Variants in NUAK2 observed in about 807,000 individuals in gnomAD.
The protein encoded by NUAK2 is NUAK family kinase 2, also known as NUAK family SNF1-like kinase 2.
Under a neutral mutation model 29.8 loss-of-function variants are expected in NUAK2, and 20 were observed. The observed-to-expected ratio is 0.67, with a 90% CI of 0.47 to 0.98. The LOEUF (loss-of-function observed/expected upper bound fraction) is 0.98. Among genes scored for constraint, NUAK2 ranks in the 50% least tolerant of loss-of-function variants. The pLI is 0.00. For synonymous variants in NUAK2, 331 were observed against 342.6 expected (o/e 0.97, Z 0.37); for missense variants, 719 against 834.5 (o/e 0.86, Z 1.71).
Position 205,316,763 on chromosome 1 carries a change from T to C in NUAK2, c.231+4635A>G, listed in dbSNP as rs577067702. On this transcript the variant is annotated intron_variant, in intron 1 of 6. Coordinates refer to ENST00000367157, the MANE Select transcript of NUAK2 (RefSeq NM_030952.3). ...AGTATTATTATAAGCAGCCCCATAC[T>C]ATGGCCACGGTAGCCTGCTTGAGCA... Among the ~76,000 whole-genome samples the C allele has an allele frequency of 3.7e-4, 57 of 152,344 alleles. 1 individual carries two copies. The highest frequency in any genetic ancestry group is 5.9e-4 in the Admixed American group (9 of 15,302).
chr1:205,319,005 T>C lies in NUAK2; in HGVS notation c.231+2393A>G, dbSNP rs1662367140. Among the ~76,000 whole-genome samples the C allele has an allele frequency of 2.0e-5, 3 of 151,590 alleles. No homozygotes were observed. In the South Asian group the frequency reaches 6.2e-4, roughly 31 times the overall value. On this transcript the variant is annotated intron_variant, in intron 1 of 6. Transcript: ENST00000367157. ...TCCCACCAACAATCTCAATTCATTC[T>C]AGGGGAGGTCTTGGGCAAGCTCCCA...
intron 1 of NUAK2, among the ~76,000 whole-genome samples, chr1:205,314,874 G>A (rs1257922469): frequency 6.6e-6 from 1 of 152,116 alleles, no homozygotes; most frequent in African/African-American, 2.4e-5. Flanking sequence ...CTCTAAAGAT[G>A]ACAAGGCCTA....
intron 2 of NUAK2, among the ~76,000 whole-genome samples, chr1:205,309,483 T>C (rs1662226642): frequency 6.6e-6 from 1 of 152,106 alleles, no homozygotes; most frequent in Non-Finnish European, 1.5e-5. Context: ...CGCGCCACCA[T>C]GCCAGGCTAA....
rs765472039 is a variant in NUAK2, at chr1:205,303,747, A to C, written c.1590T>G (p.Pro530=). The C allele has an allele frequency of 3.3e-5, 51 of 1,541,580 alleles. 1 individual carries two copies. In the East Asian group the frequency reaches 1.1e-3, roughly 33 times the overall value. Residue 530 remains proline (P), a synonymous_variant, in exon 7 of 7, where the codon CCT becomes CCG. Coordinates refer to ENST00000367157, the MANE Select transcript of NUAK2 (RefSeq NM_030952.3). ...TFGSLDELAP[P]RPLARASRPS... ...GTCGGCTGGCCCGGGCCAGGGGGCGAGGTGGGGCGAGTTCATCCAGGGAGC... is the reference window on the plus strand; with the variant it reads ...GTCGGCTGGCCCGGGCCAGGGGGCGCGGTGGGGCGAGTTCATCCAGGGAGC...
chr1:205,317,309 C>T (rs1662342126), intron 1 of NUAK2, among the ~76,000 whole-genome samples: 1 of 152,210 alleles, frequency 6.6e-6, no homozygotes, highest in African/African-American at 2.4e-5. Flanking sequence ...CATCTCTGGT[C>T]ATAGTTATCA....
chr1:205,313,597 G>A (rs1255032051), intron 1 of NUAK2, among the ~76,000 whole-genome samples: 1 of 152,080 alleles, frequency 6.6e-6, no homozygotes, highest in East Asian at 1.9e-4. Flanking sequence ...CGGAGCTGGG[G>A]AGAGACACTG....
chr1:205,311,664 CACAT>C, intron 2 of NUAK2, 37 bp downstream of exon 2: 1 of 1,612,886 alleles, frequency 6.2e-7, no homozygotes, highest in Non-Finnish European at 8.5e-7. Flanking sequence ...CACATGCACA[CACAT>C]AGACCCCCAA....
Position 205,319,544 on chromosome 1 carries a change from C to G in NUAK2, c.231+1854G>C, listed in dbSNP as rs79086203. On this transcript the variant is annotated intron_variant, in intron 1 of 6. Coordinates refer to ENST00000367157, the MANE Select transcript of NUAK2 (RefSeq NM_030952.3). ...CACCCCAGTCCCCACGACCCAGTGT[C>G]TCCACCCCCAAGAGGCACGAAGCAC... Among the ~76,000 whole-genome samples the G allele has an allele frequency of 3.6e-3, 544 of 152,286 alleles. 3 individuals are homozygous for G. Among genetic ancestry groups the G allele is most frequent in the African/African-American group, 0.012 (519 of 41,536 alleles).
chr1:205,311,664 C>G (rs539539981), intron 2 of NUAK2, 41 bp downstream of exon 2: 1 of 1,612,886 alleles, frequency 6.2e-7, no homozygotes, highest in East Asian at 2.2e-5. Flanking sequence ...CACATGCACA[C>G]ACATAGACCC....
Position 205,303,212 on chromosome 1 carries a change from C to G in NUAK2, c.*238G>C. 1 of 380,550 alleles carries G rather than the reference C, an allele frequency of 2.6e-6. No homozygotes were observed. The highest frequency in any genetic ancestry group is 4.7e-6 in the Non-Finnish European group (1 of 211,942). 23.6% of individuals were successfully genotyped at this position (380,550 alleles called of 1,614,324 possible). A position where few individuals can be genotyped will look rare whatever the true frequency, so the allele number is the denominator to read the frequency against. On this transcript the variant is annotated 3_prime_UTR_variant, in exon 7 of 7. Coordinates refer to ENST00000367157, the MANE Select transcript of NUAK2 (RefSeq NM_030952.3). ...ATGTGGACTCTGTCGCGGGCATTCC[C>G]GTTCCCCTCTCTTTAGTATCCTCTT...
intron 1 of NUAK2, among the ~76,000 whole-genome samples, chr1:205,318,501 G>A (rs1056811696): frequency 6.6e-6 from 1 of 152,134 alleles, no homozygotes; most frequent in Non-Finnish European, 1.5e-5. Context: ...TGAAGGACTC[G>A]GACCACCTCA....
chr1:205,305,094 T>A (rs1467640720), intron 6 of NUAK2, 105 bp downstream of exon 6: 2 of 1,444,232 alleles, frequency 1.4e-6, no homozygotes, highest in Admixed American at 2.0e-5. Context: ...TGGGCCATGA[T>A]GGACTGTTGC....
At chr1:205,318,190 G>A (rs960683649) in intron 1 of NUAK2, among the ~76,000 whole-genome samples, 3 of 152,174 alleles carry the variant, frequency 2.0e-5, no homozygotes, top group Admixed American at 2.0e-4. Flanking sequence ...TTGAAACCCA[G>A]GAATATAGTG....
At chr1:205,320,256 CGTTTT>C (rs974979998) in intron 1 of NUAK2, among the ~76,000 whole-genome samples, 121 of 149,650 alleles carry the variant, frequency 8.1e-4, no homozygotes, top group East Asian at 3.5e-3. Flanking sequence ...TTGTTTGTTT[CGTTTT>C]GTTTTGTTTT....
At chr1:205,306,935 C>T (rs575781107) in intron 4 of NUAK2, among the ~76,000 whole-genome samples, 1 of 152,340 alleles carries the variant, frequency 6.6e-6, no homozygotes, top group South Asian at 2.1e-4. Context: ...AGGGCTCATT[C>T]CTGTGTGCAC....
In NUAK2 at chr1:205,303,159, G is replaced by GC. The variant is rs376692630; in HGVS notation, c.*290dup. 14 of 241,594 alleles carry GC rather than the reference G, an allele frequency of 5.8e-5. No homozygotes were observed. The highest frequency in any genetic ancestry group is 2.1e-4 in the Admixed American group (4 of 19,118). 15.0% of individuals were successfully genotyped at this position (241,594 alleles called of 1,614,324 possible). ...AGAGTTCTCTTTCCAGGTCTCTGTG[G>GC]CCCCCCCATGTACACAAGAAACAGG... On this transcript the variant is annotated 3_prime_UTR_variant, in exon 7 of 7. Transcript: ENST00000367157.
Position 205,304,572 on chromosome 1 carries a change from C to T in NUAK2, c.824-59G>A. 4.5e-6 allele frequency: 6 copies of T among 1,345,982 alleles called. No individual in the cohort carries two copies. Among genetic ancestry groups the T allele is most frequent in the Non-Finnish European group, 6.0e-6 (6 of 1,002,262 alleles). The allele number at this position is 1,345,982 out of a possible 1,614,324, so 83.4% of individuals were successfully genotyped here. ...AGCTCCCAGAATAGGCACTCCCTGT[C>T]CCCTGTCCCCAGCTCATCCCCTTTT... On this transcript the variant is annotated intron_variant, in intron 6 of 6. Transcript: ENST00000367157. This position sits in a 1 kb window ranked among gnomAD's most constrained non-coding sequence, Gnocchi z 6.5.
rs943892848 is a variant in NUAK2 at position 205,304,676 on chromosome 1, G to C, written c.824-163C>G. Among the ~76,000 whole-genome samples the C allele has an allele frequency of 9.2e-5, 14 of 152,120 alleles. No individual in the cohort carries two copies. The highest frequency in any genetic ancestry group is 3.1e-4 in the African/African-American group (13 of 41,428). ...TCTATACATGCCTTGGCCCAGGACA[G>C]CTCCCCAGTCCAGAGTTCCTGGACT... On this transcript the variant is annotated intron_variant, in intron 6 of 6. Coordinates refer to ENST00000367157, the MANE Select transcript of NUAK2 (RefSeq NM_030952.3). The surrounding 1 kb of genome is among the most constrained non-coding windows in gnomAD (Gnocchi z 6.5).
chr1:205,309,992 T>C (rs943574771), intron 2 of NUAK2, among the ~76,000 whole-genome samples: 1 of 152,196 alleles, frequency 6.6e-6, no homozygotes, highest in African/African-American at 2.4e-5. Flanking sequence ...CCCTTCTGCC[T>C]GGTGTGTATT....
Sources: gnomAD v4.1 joint callset for allele counts (sites outside exome capture counted in the v4.1 genomes callset) on GRCh38, gnomAD v4.1.1 for gene constraint, Gnocchi (gnomAD v3.1) non-coding constraint, MANE v1.5 for transcripts, NCBI Gene and HGNC (gene_info 2026-07-23, HGNC 2026-07-21) for gene names.